Variants in CLDN10 observed in about 807,000 individuals in gnomAD.
CLDN10 encodes the protein claudin 10.
A neutral mutation model predicts 22.9 loss-of-function variants in CLDN10; 15 were observed. The ratio of observed to expected loss-of-function variants is 0.65; its 90% CI spans 0.44 to 1.01. CLDN10 has a LOEUF of 1.01. Among genes scored for constraint, CLDN10 ranks in the 50% least tolerant of loss-of-function variants. The pLI is 0.00. For missense variants in CLDN10, 247 were observed against 287.8 expected (o/e 0.86, Z 1.03); for synonymous variants, 114 against 111.4 (o/e 1.02, Z -0.15).
chr13:95,434,441 C>G (rs2042243608), intron 1 of CLDN10, among the ~76,000 whole-genome samples: 1 of 54,350 alleles, frequency 1.8e-5, no homozygotes, highest in South Asian at 8.1e-4. Context: ...CTCTCTCTCT[C>G]TCTGTCTCTC....
At chr13:95,494,654 G>GTT (rs1214379183) in intron 1 of CLDN10, among the ~76,000 whole-genome samples, 1 of 152,090 alleles carries the variant, frequency 6.6e-6, no homozygotes, top group Non-Finnish European at 1.5e-5. Context: ...TTAAATGCCC[G>GTT]TTACAAATGT....
intron 1 of CLDN10, among the ~76,000 whole-genome samples, chr13:95,496,350 G>A (rs1243556124): frequency 2.6e-5 from 4 of 152,234 alleles, no homozygotes; most frequent in Admixed American, 6.5e-5. Flanking sequence ...AATTTAAATA[G>A]CTTCCTTTAC....
intron 1 of CLDN10, among the ~76,000 whole-genome samples, chr13:95,518,177 A>G (rs1036145921): frequency 9.9e-5 from 15 of 152,188 alleles, no homozygotes; most frequent in African/African-American, 3.6e-4. Flanking sequence ...GGTTAGAATG[A>G]GTGAATGCGT....
intron 1 of CLDN10, among the ~76,000 whole-genome samples, chr13:95,546,558 A>G (rs1380978661): frequency 1.3e-5 from 2 of 152,226 alleles, no homozygotes; most frequent in African/African-American, 4.8e-5. Flanking sequence ...TTTTTGTAAG[A>G]ACATGCATTT....
At position 95,577,435 on chromosome 13, in the gene CLDN10, G is replaced by A; in HGVS notation, c.572+97G>A. 3.6e-6 allele frequency: 3 copies of A among 833,546 alleles called. No individual in the cohort carries two copies. The South Asian group carries it at 4.7e-5, about 13-fold the overall frequency. The allele number at this position is 833,546 out of a possible 1,614,324, so 51.6% of individuals were successfully genotyped here. A position where few individuals can be genotyped will look rare whatever the true frequency, so the allele number is the denominator to read the frequency against. The stretch of plus-strand genomic sequence containing the variant: ...TTACAGATAGTTCATATGATTCTTA[G>A]AAACTTCCAAAATCCGGAATTGGAA... On this transcript the variant is annotated intron_variant, in intron 4 of 4. Transcript: ENST00000299339.
At chr13:95,535,464 C>G (rs537543792) in intron 1 of CLDN10, among the ~76,000 whole-genome samples, 1 of 149,932 alleles carries the variant, frequency 6.7e-6, no homozygotes, top group Admixed American at 6.7e-5. Context: ...GGGAAGAGCG[C>G]CATCCAAGAT....
At chr13:95,502,901 G>C (rs891650864) in intron 1 of CLDN10, among the ~76,000 whole-genome samples, 1 of 152,082 alleles carries the variant, frequency 6.6e-6, no homozygotes, top group Non-Finnish European at 1.5e-5. Flanking sequence ...CAGCAAAGAT[G>C]TCCTGTTTCT....
intron 1 of CLDN10, among the ~76,000 whole-genome samples, chr13:95,474,470 T>A (rs1045959502): frequency 1.3e-5 from 2 of 151,716 alleles, no homozygotes; most frequent in African/African-American, 4.9e-5. Flanking sequence ...GGCCCAGGGG[T>A]TGGGGACCCC....
rs2138706248 is a variant in CLDN10, at chr13:95,579,548, T to G, written c.*1534T>G. On this transcript the variant is annotated 3_prime_UTR_variant, in exon 5 of 5. Transcript: ENST00000299339. Reference sequence around the variant, plus strand: ...AACCAAGGCAGTCTAGGGTAAAATATAGTTTCAAAGTATGAATAAGAATTG... The same window carrying G: ...AACCAAGGCAGTCTAGGGTAAAATAGAGTTTCAAAGTATGAATAAGAATTG... 6.6e-6 allele frequency: 1 copy of G among 152,308 alleles called. No homozygotes were observed. The highest frequency in any genetic ancestry group is 1.9e-4 in the East Asian group (1 of 5,184). The allele number at this position is 152,308 out of a possible 1,614,324, so 9.4% of individuals were successfully genotyped here. A position where few individuals can be genotyped will look rare whatever the true frequency, so the allele number is the denominator to read the frequency against.
chr13:95,472,123 G>T (rs1414642490), intron 1 of CLDN10, among the ~76,000 whole-genome samples: 1 of 151,908 alleles, frequency 6.6e-6, no homozygotes, highest in African/African-American at 2.4e-5. Context: ...TTATTTCCCA[G>T]CCTGTTAAAT....
chr13:95,544,238 A>G (rs1374455764), intron 1 of CLDN10, among the ~76,000 whole-genome samples: 1 of 152,210 alleles, frequency 6.6e-6, no homozygotes, highest in East Asian at 1.9e-4. Context: ...TCAAGAATAA[A>G]CAGAGTATCA....
intron 1 of CLDN10, among the ~76,000 whole-genome samples, chr13:95,447,060 G>A (rs1048031815): frequency 1.3e-5 from 2 of 151,756 alleles, no homozygotes; most frequent in African/African-American, 4.8e-5. Context: ...TCCTTGGGTT[G>A]ATATTTCTAG....
At chr13:95,555,048 T>G (rs2138647262) in intron 1 of CLDN10, among the ~76,000 whole-genome samples, 1 of 35,262 alleles carries the variant, frequency 2.8e-5, no homozygotes, top group African/African-American at 8.7e-5. Flanking sequence ...GTTAATCCAG[T>G]TTTTTTTTTT....
At chr13:95,442,968 G>C (rs976906518) in intron 1 of CLDN10, among the ~76,000 whole-genome samples, 3 of 152,344 alleles carry the variant, frequency 2.0e-5, no homozygotes. Flanking sequence ...CTTTAACCAT[G>C]TAGCATAAGG....
At chr13:95,438,982 A>T (rs1156676710) in intron 1 of CLDN10, among the ~76,000 whole-genome samples, 2,780 of 150,032 alleles carry the variant, frequency 0.019, 98 homozygotes, top group African/African-American at 0.065. Flanking sequence ...TCGCAAAAAA[A>T]AAAAAAAAAA....
chr13:95,460,969 G>C (rs1369051002), intron 1 of CLDN10, among the ~76,000 whole-genome samples: 1 of 152,088 alleles, frequency 6.6e-6, no homozygotes, highest in African/African-American at 2.4e-5. Context: ...AAGTTAGCTG[G>C]ATGTGGGTGG....
rs1339593041 is a variant in CLDN10 at position 95,577,909 on chromosome 13, C to A, written c.582C>A (p.Tyr194Ter). Residue 194 changes from tyrosine to a stop codon, truncating the protein, a stop_gained, in exon 5 of 5, where the codon TAC becomes TAA. Transcript: ENST00000299339. LOFTEE classifies it high-confidence loss of function. The part of the protein sequence containing the change: ...SDNNKTPRYT[Y>*]NGATSVMSSR... ...ATGTTTTACCTTTCAGATACACATA[C>A]AACGGGGCCACATCTGTCATGTCTT... 16 of 1,611,014 alleles carry A rather than the reference C, an allele frequency of 9.9e-6. No homozygotes were observed. The highest frequency in any genetic ancestry group is 1.4e-5 in the Non-Finnish European group (16 of 1,177,648).
intron 1 of CLDN10, among the ~76,000 whole-genome samples, chr13:95,508,830 T>C (rs970080584): frequency 6.6e-6 from 1 of 152,210 alleles, no homozygotes. Context: ...CACAAAGAGC[T>C]GGTGGCTATG....
At chr13:95,491,097 T>C (rs567559552) in intron 1 of CLDN10, among the ~76,000 whole-genome samples, 4 of 152,338 alleles carry the variant, frequency 2.6e-5, no homozygotes, top group East Asian at 1.9e-4. Flanking sequence ...TTGGTGTCCA[T>C]TGCATGAAAT....
Sources: allele counts gnomAD v4.1 joint callset (sites outside exome capture counted in the v4.1 genomes callset), GRCh38; gene constraint gnomAD v4.1.1; transcripts MANE v1.5; gene names NCBI Gene and HGNC (gene_info 2026-07-23, HGNC 2026-07-21).